CFI: variants seen among roughly 807,000 people sequenced by gnomAD.
CFI encodes complement factor I, also known as C3B/C4B inactivator.
A neutral mutation model predicts 78.8 loss-of-function variants in CFI; 66 were observed. The observed-to-expected ratio is 0.84, with a 90% CI of 0.69 to 1.03. CFI has a LOEUF of 1.03. CFI is among the 50% of genes least tolerant of loss of function. The pLI is 0.00. For missense variants in CFI, 706 were observed against 704.5 expected (o/e 1.00, Z -0.02); for synonymous variants, 250 against 232.6 (o/e 1.07, Z -0.68).
chr4:109,760,626 C>A lies in CFI; in HGVS notation c.669G>T (p.Met223Ile). 1 of 1,569,952 alleles carries A rather than the reference C, an allele frequency of 6.4e-7. No individual in the cohort carries two copies. The highest frequency in any genetic ancestry group is 8.8e-7 in the Non-Finnish European group (1 of 1,139,878). Residue 223 changes from methionine to isoleucine, a missense_variant, in exon 5 of 13, where the codon ATG (methionine) becomes ATT (isoleucine). Transcript: ENST00000394634. ...VCYTQKADSP[M>I]DDFFQCVNGK... ...CATTCACACACTGAAAGAAGTCATC[C>A]ATTGGAGAATCTGTAAAGCAGGAAT... is the stretch of plus-strand genomic sequence containing the variant.
intron 1 of CFI, among the ~76,000 whole-genome samples, chr4:109,773,122 A>T (rs1728796204): frequency 6.6e-6 from 1 of 152,202 alleles, no homozygotes; most frequent in Non-Finnish European, 1.5e-5. Flanking sequence ...TCATGGGAAC[A>T]CAAATTGTAG....
intron 1 of CFI, among the ~76,000 whole-genome samples, chr4:109,782,931 G>T (rs1730248548): frequency 6.6e-6 from 1 of 152,058 alleles, no homozygotes; most frequent in African/African-American, 2.4e-5. Flanking sequence ...GTGGCGAAAG[G>T]ACACCCTTTT....
In CFI at chr4:109,752,573, T is replaced by C. The variant is rs1725276603; in HGVS notation, c.905-70A>G. On this transcript the variant is annotated intron_variant, in intron 7 of 12. Coordinates refer to ENST00000394634, the MANE Select transcript of CFI (RefSeq NM_000204.5). ...AGTCAAAATGAAATCATTAAAATCATTTAAACACTGATTATAATTTTCTGC... is the reference window on the plus strand; with the variant it reads ...AGTCAAAATGAAATCATTAAAATCACTTAAACACTGATTATAATTTTCTGC... 4 of 1,287,082 alleles carry C rather than the reference T, an allele frequency of 3.1e-6. No homozygotes were observed. The East Asian group carries it at 9.3e-5, about 30-fold the overall frequency. The allele number at this position is 1,287,082 out of a possible 1,614,324, so 79.7% of individuals were successfully genotyped here.
intron 11 of CFI, among the ~76,000 whole-genome samples, chr4:109,742,805 T>C (rs749409632): frequency 8.5e-5 from 13 of 152,184 alleles, no homozygotes; most frequent in Non-Finnish European, 1.8e-4. Flanking sequence ...GAACATATGG[T>C]CTGAAGTCAC....
intron 7 of CFI, among the ~76,000 whole-genome samples, chr4:109,754,322 C>A (rs1048105161): frequency 3.3e-5 from 5 of 150,130 alleles, no homozygotes; most frequent in African/African-American, 1.2e-4. Flanking sequence ...GTCATCAGCA[C>A]TAGCCAAGGG....
chr4:109,754,763 C>A (rs1404576244), intron 7 of CFI, among the ~76,000 whole-genome samples: 1 of 152,166 alleles, frequency 6.6e-6, no homozygotes, highest in Non-Finnish European at 1.5e-5. Context: ...CAAAAGCACG[C>A]TTGTGAATCA....
chr4:109,746,291 C>T lies in CFI; in HGVS notation c.1360G>A (p.Val454Ile), dbSNP rs2126186230. The T allele has an allele frequency of 6.2e-7, 1 of 1,614,154 alleles. No homozygotes were observed. The highest frequency in any genetic ancestry group is 8.5e-7 in the Non-Finnish European group (1 of 1,180,020). Reference sequence around the variant, plus strand: ...TGGAATAGGTAAGGAGACCAGGGGACACAGGCAGGGATGGAACGAGGCAGC... The same window carrying T: ...TGGAATAGGTAAGGAGACCAGGGGATACAGGCAGGGATGGAACGAGGCAGC... Reference protein sequence around the residue: ...CELPRSIPACVPWSPYLFQPN... With the variant: ...CELPRSIPACIPWSPYLFQPN... Residue 454 changes from valine to isoleucine, a missense_variant, in exon 11 of 13, where the codon GTC becomes ATC. Physicochemically the swap from Val to Ile is conservative, Grantham distance 29. Coordinates refer to ENST00000394634, the MANE Select transcript of CFI (RefSeq NM_000204.5).
chr4:109,760,406 T>G (rs746106072), intron 5 of CFI, 26 bp from the exon 6 acceptor site: 2 of 1,586,496 alleles, frequency 1.3e-6, no homozygotes, highest in Non-Finnish European at 1.7e-6. Flanking sequence ...CAGGAGAGGT[T>G]TTTTTCATTC....
rs1172035130 is a variant in CFI, at chr4:109,780,275, A to G, written c.58-13451T>C. Among the ~76,000 whole-genome samples, 3 of 152,240 alleles carry G rather than the reference A, an allele frequency of 2.0e-5. No individual in the cohort carries two copies. The East Asian group carries it at 5.8e-4, about 29-fold the overall frequency. On this transcript the variant is annotated intron_variant, in intron 1 of 12. Coordinates refer to ENST00000394634, the MANE Select transcript of CFI (RefSeq NM_000204.5). ...GACGACAGGCTAATATCTGGACTCT[A>G]CAAAGAACTCAAACAAATTTACAAG... is the stretch of plus-strand genomic sequence containing the variant.
At chr4:109,768,178 T>C (rs1339214030) in intron 1 of CFI, among the ~76,000 whole-genome samples, 1 of 149,512 alleles carries the variant, frequency 6.7e-6, no homozygotes, top group East Asian at 2.0e-4. Flanking sequence ...ATATACCTAA[T>C]GTTAAATGAC....
chr4:109,799,669 A>C (rs1732510956), intron 1 of CFI, among the ~76,000 whole-genome samples: 1 of 152,262 alleles, frequency 6.6e-6, no homozygotes, highest in African/African-American at 2.4e-5. Context: ...AATATTCTGC[A>C]TAGTAAGAGA....
At chr4:109,797,063 A>C (rs1477269750) in intron 1 of CFI, among the ~76,000 whole-genome samples, 1 of 152,258 alleles carries the variant, frequency 6.6e-6, no homozygotes, top group Non-Finnish European at 1.5e-5. Context: ...TTACAGAAAT[A>C]GAAAATATAA....
intron 1 of CFI, among the ~76,000 whole-genome samples, chr4:109,771,714 CAAAAAAAA>C (rs149565381): frequency 8.3e-4 from 15 of 18,126 alleles, no homozygotes; most frequent in South Asian, 2.4e-3. Context: ...ACTCCATCAC[CAAAAAAAA>C]AAAAAAAAAA....
At chr4:109,782,712 C>T (rs1730216163) in intron 1 of CFI, among the ~76,000 whole-genome samples, 1 of 151,932 alleles carries the variant, frequency 6.6e-6, no homozygotes, top group South Asian at 2.1e-4. Flanking sequence ...AAAGAGCCCA[C>T]ATAGCCAAAG....
At chr4:109,737,135 C>T (rs1211391201), downstream of CFI, among the ~76,000 whole-genome samples, 2 of 151,844 alleles carry the variant, frequency 1.3e-5, no homozygotes, top group Admixed American at 6.6e-5. Flanking sequence ...TCTTCCATAC[C>T]CTCTCTCACC....
At chr4:109,781,658 GT>G (rs1307329663) in intron 1 of CFI, among the ~76,000 whole-genome samples, 3 of 152,044 alleles carry the variant, frequency 2.0e-5, no homozygotes, top group African/African-American at 7.2e-5. Context: ...AATTCATTCT[GT>G]GAAGCCAGCA....
In CFI at chr4:109,801,912, T is replaced by TA. The variant is rs1157150261; in HGVS notation, c.57+2dup. 1.2e-6 allele frequency: 2 copies of TA among 1,601,642 alleles called. No homozygotes were observed. The highest frequency in any genetic ancestry group is 1.7e-6 in the Non-Finnish European group (2 of 1,169,684). ...TTGTTTGCATAAAGGTTGAATTACT[T>TA]ACCTTGCAAAACCTTAAGTGGAAGC... On this transcript the variant is annotated splice_region_variant and intron_variant, in intron 1 of 12. Coordinates refer to ENST00000394634, the MANE Select transcript of CFI (RefSeq NM_000204.5).
chr4:109,762,744 T>C (rs1249127086), intron 3 of CFI, among the ~76,000 whole-genome samples: 1 of 152,180 alleles, frequency 6.6e-6, no homozygotes, highest in East Asian at 1.9e-4. Context: ...GGCAATCTTA[T>C]AGGTTAATAA....
At chr4:109,739,434 C>T (rs977583341), downstream of CFI, among the ~76,000 whole-genome samples, 3 of 151,940 alleles carry the variant, frequency 2.0e-5, no homozygotes, top group African/African-American at 7.3e-5. Context: ...GGTAGACAAC[C>T]CAATCAAAAC....
Sources: allele counts gnomAD v4.1 joint callset (sites outside exome capture counted in the v4.1 genomes callset), GRCh38; gene constraint gnomAD v4.1.1; transcripts MANE v1.5; gene names NCBI Gene and HGNC (gene_info 2026-07-23, HGNC 2026-07-21).